IGF2BP1: variants seen among roughly 807,000 people sequenced by gnomAD.
IGF2BP1 encodes insulin-like growth factor 2 mRNA-binding protein 1.
A neutral mutation model predicts 74.9 loss-of-function variants in IGF2BP1; 11 were observed. The observed-to-expected ratio is 0.15, with a 90% CI of 0.09 to 0.24. The LOEUF (loss-of-function observed/expected upper bound fraction) is 0.24. IGF2BP1 is among the 10% of genes least tolerant of loss of function. IGF2BP1 has a pLI of 1.00. For synonymous variants in IGF2BP1, 287 were observed against 281.8 expected, an observed-to-expected ratio of 1.02 and a Z score of -0.18; for missense variants, 440 against 757.4, an observed-to-expected ratio of 0.58 and a Z score of 4.92.
intron 2 of IGF2BP1, among the ~76,000 whole-genome samples, chr17:49,023,055 C>T (rs1045527739): frequency 1.3e-5 from 2 of 152,202 alleles, no homozygotes; most frequent in East Asian, 1.9e-4. Flanking sequence ...TCATTTCTTC[C>T]GGCAGTTTTG....
chr17:49,019,904 T>TTATACA, intron 2 of IGF2BP1, among the ~76,000 whole-genome samples: 1 of 43,906 alleles, frequency 2.3e-5, no homozygotes, highest in Admixed American at 3.3e-4. Context: ...CCTGGCTAAT[T>TTATACA]TATATATATA....
At chr17:49,043,661 G>A in intron 10 of IGF2BP1, 111 bp downstream of exon 10, 2 of 1,346,148 alleles carry the variant, frequency 1.5e-6, no homozygotes, top group Non-Finnish European at 2.0e-6. Context: ...CAGGGAGAGG[G>A]AAGGAAGGTC....
intron 2 of IGF2BP1, among the ~76,000 whole-genome samples, chr17:49,003,092 G>A (rs1286541622): frequency 3.3e-5 from 5 of 152,148 alleles, no homozygotes; most frequent in African/African-American, 9.7e-5. Flanking sequence ...TTTATTCAAA[G>A]TATTGTTAAT....
chr17:49,038,145 G>C, intron 5 of IGF2BP1, 23 bp from the exon 6 acceptor site: 2 of 1,471,742 alleles, frequency 1.4e-6, no homozygotes, highest in Non-Finnish European at 1.8e-6. Context: ...GGAATGACCT[G>C]TAGACTCTCA....
intron 1 of IGF2BP1, 149 bp from the exon 2 acceptor site, chr17:48,998,960 C>T (rs1203867556): frequency 1.6e-6 from 1 of 617,422 alleles, no homozygotes. Context: ...ACCTTTTTCC[C>T]ATCTGGATGC....
intron 2 of IGF2BP1, among the ~76,000 whole-genome samples, chr17:49,000,594 G>A (rs1254792969): frequency 6.6e-6 from 1 of 152,138 alleles, no homozygotes; most frequent in Non-Finnish European, 1.5e-5. Flanking sequence ...ACTGACACCA[G>A]CAGGTTTATT....
At position 49,055,289 on chromosome 17, in the gene IGF2BP1, C is replaced by T. The variant is rs560782458; in HGVS notation, c.*5845C>T. ...GATTTTCTTCACTTGTTTAAGATAA[C>T]GTGCTAGCTATTCCAACAGGTAACA... On this transcript the variant is annotated 3_prime_UTR_variant, in exon 15 of 15. Transcript: ENST00000290341. 2.8e-4 allele frequency: 58 copies of T among 209,970 alleles called. No homozygotes were observed. In the South Asian group the frequency reaches 5.1e-3, roughly 18 times the overall value. The allele number at this position is 209,970 out of a possible 1,614,324, so 13.0% of individuals were successfully genotyped here.
intron 11 of IGF2BP1, among the ~76,000 whole-genome samples, chr17:49,044,376 C>T (rs780745562): frequency 6.6e-5 from 10 of 152,154 alleles, no homozygotes; most frequent in Non-Finnish European, 1.2e-4. Context: ...TCCATCTCAT[C>T]ACCCCTTCCC....
rs2042060789 is a variant in IGF2BP1, at chr17:49,042,296, C to T, written c.996C>T (p.Ala332=). 6.2e-7 allele frequency: 1 copy of T among 1,613,974 alleles called. No homozygotes were observed. The highest frequency in any genetic ancestry group is 8.5e-7 in the Non-Finnish European group (1 of 1,180,018). The change falls in exon 9 of 15, where the codon GCC becomes GCT. Residue 332 remains alanine, a synonymous_variant. Coordinates refer to ENST00000290341, the MANE Select transcript of IGF2BP1 (RefSeq NM_006546.4). ...NPERTITVKG[A]IENCCRAEQE... is the part of the protein sequence containing the mutation. ...AGAGGACCATCACTGTGAAGGGGGC[C>T]ATCGAGAATTGTTGCAGGGCCGAGC...
chr17:49,037,531 T>G (rs1486627281), intron 5 of IGF2BP1: 2 of 191,078 alleles, frequency 1.0e-5, no homozygotes, highest in Non-Finnish European at 2.2e-5. Flanking sequence ...GTGTGTTTGC[T>G]TTATCCTAAT....
chr17:49,035,917 GAGGGCCCGGGACTGCACT>G (rs2041981822), intron 5 of IGF2BP1, among the ~76,000 whole-genome samples: 1 of 152,222 alleles, frequency 6.6e-6, no homozygotes, highest in African/African-American at 2.4e-5. Flanking sequence ...CTCCTTGTGG[GAGGGCCCGGGACTGCACT>G]AGGCGGGAGT....
chr17:49,010,761 C>T (rs1254605721), intron 2 of IGF2BP1, among the ~76,000 whole-genome samples: 1 of 152,070 alleles, frequency 6.6e-6, no homozygotes, highest in African/African-American at 2.4e-5. Context: ...TCTCTGCCCT[C>T]CAGCATTTTC....
intron 2 of IGF2BP1, among the ~76,000 whole-genome samples, chr17:49,014,335 C>T (rs1241871931): frequency 6.7e-6 from 1 of 149,064 alleles, no homozygotes; most frequent in Non-Finnish European, 1.5e-5. Flanking sequence ...CCCCAGTCGC[C>T]GTCCCCCTCA....
chr17:49,049,610 ATC>A lies in IGF2BP1; in HGVS notation c.*171_*172del. The A allele has an allele frequency of 1.7e-6, 1 of 602,784 alleles. No homozygotes were observed. Among genetic ancestry groups the A allele is most frequent in the South Asian group, 1.9e-5 (1 of 51,440 alleles). The allele number at this position is 602,784 out of a possible 1,614,324, so 37.3% of individuals were successfully genotyped here. ...AAAGATGTTCCAGTGAGGAACCCTG[ATC>A]TCTCAGCCCCAAACACCCACCCAAT... On this transcript the variant is annotated 3_prime_UTR_variant, in exon 15 of 15. Transcript: ENST00000290341.
At chr17:49,036,485 AT>A (rs2041990057) in intron 5 of IGF2BP1, 2 of 152,160 alleles carry the variant, frequency 1.3e-5, no homozygotes, top group Non-Finnish European at 2.9e-5. Flanking sequence ...ATAAAAAAAA[AT>A]GGGGGACTGC....
intron 5 of IGF2BP1, chr17:49,037,469 T>C (rs1040767840): frequency 3.7e-6 from 1 of 267,180 alleles, no homozygotes; most frequent in Admixed American, 4.8e-5. Context: ...AACTCTAATA[T>C]TCATGGAAGT....
At chr17:49,032,006 T>TGGGG in intron 5 of IGF2BP1, 33 bp downstream of exon 5, 5 of 899,374 alleles carry the variant, frequency 5.6e-6, no homozygotes, top group Non-Finnish European at 7.0e-6. Flanking sequence ...CTGGGTGCGG[T>TGGGG]GGGGGGGGGT....
intron 2 of IGF2BP1, among the ~76,000 whole-genome samples, chr17:49,024,302 T>C (rs2041826918): frequency 6.6e-6 from 1 of 151,990 alleles, no homozygotes. Context: ...GTCCCAGCTA[T>C]ACAGGAGGGT....
chr17:49,001,910 A>G (rs2041492013), intron 2 of IGF2BP1, among the ~76,000 whole-genome samples: 2 of 152,134 alleles, frequency 1.3e-5, no homozygotes, highest in Non-Finnish European at 2.9e-5. Context: ...TTTTAAGGGA[A>G]TTAAACCTTT....
Sources: gnomAD v4.1 joint callset for allele counts (sites outside exome capture counted in the v4.1 genomes callset) on GRCh38, gnomAD v4.1.1 for gene constraint, MANE v1.5 for transcripts, NCBI Gene and HGNC (gene_info 2026-07-23, HGNC 2026-07-21) for gene names.